Variants in CTSA observed in about 807,000 individuals in gnomAD.
CTSA encodes lysosomal protective protein.
CTSA carries 42 observed loss-of-function variants against 66.7 expected under a neutral mutation model. The observed-to-expected ratio is 0.63, with a 90% CI of 0.49 to 0.81. CTSA has a LOEUF of 0.81. CTSA is among the 40% of genes least tolerant of loss of function. The probability of loss-of-function intolerance (pLI) is 0.00; values close to 1 mark genes in which losing one functional copy is unlikely to be tolerated. For missense variants in CTSA, 525 were observed against 610.9 expected, an observed-to-expected ratio of 0.86 and a Z score of 1.48; for synonymous variants, 225 against 248.6, an observed-to-expected ratio of 0.91 and a Z score of 0.89.
chr20:45,892,817 T>C lies in CTSA; in HGVS notation c.537T>C (p.Tyr179=), dbSNP rs1568762813. The change falls in exon 6 of 15, where the codon TAT becomes TAC. Residue 179 remains tyrosine, a synonymous_variant. Coordinates refer to ENST00000646241, the MANE Select transcript of CTSA (RefSeq NM_000308.4). ...AACTTTTCCTGACCGGGGAGAGCTA[T>C]GCTGGCATCTACATCCCCACCCTGG... ...NNKLFLTGES[Y]AGIYIPTLAV... 1 of 1,614,104 alleles carries C rather than the reference T, an allele frequency of 6.2e-7. No individual in the cohort carries two copies. Among genetic ancestry groups the C allele is most frequent in the Non-Finnish European group, 8.5e-7 (1 of 1,180,030 alleles).
chr20:45,896,630 G>T, intron 11 of CTSA: 1 of 340,540 alleles, frequency 2.9e-6, no homozygotes, highest in Non-Finnish European at 5.7e-6. Flanking sequence ...GTAGAGACGG[G>T]GTTTCACCAT....
At chr20:45,897,671 A>C (rs2083125060) in intron 12 of CTSA, 46 bp from the exon 13 acceptor site, 2 of 1,144,546 alleles carry the variant, frequency 1.7e-6, no homozygotes, top group South Asian at 2.5e-5. Context: ...AGGGCTGGGG[A>C]CTGGGCTTGT....
In CTSA at chr20:45,898,552, C is replaced by A; in HGVS notation, c.*102C>A. The A allele has an allele frequency of 8.8e-7, 1 of 1,141,462 alleles. No homozygotes were observed. 70.7% of individuals were successfully genotyped at this position (1,141,462 alleles called of 1,614,324 possible). Reference sequence around the variant, plus strand: ...AAGTGCCCCTGCAGGCCGGGTTCTGCCGCCAGGACTGCCCCCTTCCCAGAG... The same window carrying A: ...AAGTGCCCCTGCAGGCCGGGTTCTGACGCCAGGACTGCCCCCTTCCCAGAG... On this transcript the variant is annotated 3_prime_UTR_variant, in exon 15 of 15. Coordinates refer to ENST00000646241, the MANE Select transcript of CTSA (RefSeq NM_000308.4). The surrounding 1 kb of genome is among the most constrained non-coding windows in gnomAD (Gnocchi z 4.6).
chr20:45,892,430 T>G lies in CTSA; in HGVS notation c.390T>G (p.Ala130=). 6.2e-7 allele frequency: 1 copy of G among 1,614,224 alleles called. No homozygotes were observed. The highest frequency in any genetic ancestry group is 8.5e-7 in the Non-Finnish European group (1 of 1,180,030). Residue 130 remains alanine (A), a synonymous_variant, in exon 5 of 15, where the codon GCT becomes GCG. Transcript: ENST00000646241. ...IANVLYLESP[A]GVGFSYSDDK... ...ATGTGTTATACCTGGAGTCCCCAGC[T>G]GGGGTGGGCTTCTCCTACTCCGATG...
intron 12 of CTSA, 23 bp downstream of exon 12, chr20:45,897,063 G>T: frequency 6.3e-7 from 1 of 1,590,600 alleles, no homozygotes. Flanking sequence ...AGCACAGCTG[G>T]ATCACCAGCA....
At chr20:45,895,639 T>A (rs960389291) in intron 11 of CTSA, among the ~76,000 whole-genome samples, 3 of 151,866 alleles carry the variant, frequency 2.0e-5, no homozygotes, top group Non-Finnish European at 4.4e-5. Context: ...CCACATTGGT[T>A]GTTGTTTCAC....
At chr20:45,896,636 A>T in intron 11 of CTSA, 1 of 341,610 alleles carries the variant, frequency 2.9e-6, no homozygotes, top group Non-Finnish European at 5.7e-6. Context: ...ACGGGGTTTC[A>T]CCATGTTGGT....
chr20:45,892,594 C>G (rs1987024976), intron 5 of CTSA, 110 bp downstream of exon 5: 7 of 1,490,812 alleles, frequency 4.7e-6, no homozygotes, highest in African/African-American at 1.4e-5. Flanking sequence ...CTGTCATATG[C>G]TATTGTGGTA....
chr20:45,898,272 T>G lies in CTSA; in HGVS notation c.1360-95T>G. ...GGGGTGGGGAGGGTTCTGGGAAGAA[T>G]AAAGGGTTTGGGATGAAGGAATTGC... is the stretch of plus-strand genomic sequence containing the variant. On this transcript the variant is annotated intron_variant, in intron 14 of 14. Coordinates refer to ENST00000646241, the MANE Select transcript of CTSA (RefSeq NM_000308.4). This position sits in a 1 kb window ranked among gnomAD's most constrained non-coding sequence, Gnocchi z 4.6. The G allele has an allele frequency of 7.4e-7, 1 of 1,358,046 alleles. No individual in the cohort carries two copies. Among genetic ancestry groups the G allele is most frequent in the East Asian group, 2.5e-5 (1 of 40,638 alleles). The allele number at this position is 1,358,046 out of a possible 1,614,324, so 84.1% of individuals were successfully genotyped here. A position where few individuals can be genotyped will look rare whatever the true frequency, so the allele number is the denominator to read the frequency against.
In CTSA at chr20:45,898,275, AG is replaced by A; in HGVS notation, c.1360-89del. The A allele has an allele frequency of 7.3e-7, 1 of 1,361,830 alleles. No individual in the cohort carries two copies. The highest frequency in any genetic ancestry group is 1.0e-6 in the Non-Finnish European group (1 of 969,754). The allele number at this position is 1,361,830 out of a possible 1,614,324, so 84.4% of individuals were successfully genotyped here. ...GTGGGGAGGGTTCTGGGAAGAATAAAGGGTTTGGGATGAAGGAATTGCCCCC... is the reference window on the plus strand; with the variant it reads ...GTGGGGAGGGTTCTGGGAAGAATAAAGGTTTGGGATGAAGGAATTGCCCCC... On this transcript the variant is annotated intron_variant, in intron 14 of 14. Transcript: ENST00000646241. This position sits in a 1 kb window ranked among gnomAD's most constrained non-coding sequence, Gnocchi z 4.6.
intron 11 of CTSA, 38 bp from the exon 12 acceptor site, chr20:45,896,927 C>A (rs371755241): frequency 1.9e-6 from 3 of 1,566,982 alleles, no homozygotes; most frequent in African/African-American, 2.7e-5. Context: ...TTCGCCCCGA[C>A]CTGGTCTTCC....
chr20:45,891,378 A>C lies in CTSA; in HGVS notation c.-2A>C, dbSNP rs1318047747. 2.5e-6 allele frequency: 4 copies of C among 1,572,610 alleles called. No homozygotes were observed. Among genetic ancestry groups the C allele is most frequent in the Admixed American group, 1.9e-5 (1 of 53,918 alleles). On this transcript the variant is annotated splice_region_variant and 5_prime_UTR_variant, in exon 1 of 15. Transcript: ENST00000646241. This position sits in a 1 kb window ranked among gnomAD's most constrained non-coding sequence, Gnocchi z 4.6. ...GGAGAGCAAGGACGCGGGGGAGCAG[A>C]GGTGAGCTGGCACCGGAGGCTGGAG...
Position 45,891,419 on chromosome 20 carries a change from G to T in CTSA, c.-1+40G>T. The T allele has an allele frequency of 3.9e-6, 6 of 1,554,998 alleles. No homozygotes were observed. The highest frequency in any genetic ancestry group is 4.8e-5 in the East Asian group (2 of 41,568). Reference sequence around the variant, plus strand: ...GAGGCTGGAGGGGATCCCCGAGCCCGGGATCGGTGCGCGGCAGAGGAGGCT... The same window carrying T: ...GAGGCTGGAGGGGATCCCCGAGCCCTGGATCGGTGCGCGGCAGAGGAGGCT... On this transcript the variant is annotated intron_variant, in intron 1 of 14. Coordinates refer to ENST00000646241, the MANE Select transcript of CTSA (RefSeq NM_000308.4). This position sits in a 1 kb window ranked among gnomAD's most constrained non-coding sequence, Gnocchi z 4.6.
rs1261913774 is a variant in CTSA, at chr20:45,894,820, C to A, written c.870-3C>A. 2.5e-6 allele frequency: 4 copies of A among 1,614,046 alleles called. No homozygotes were observed. In the South Asian group the frequency reaches 4.4e-5, roughly 18 times the overall value. On this transcript the variant is annotated splice_polypyrimidine_tract_variant and splice_region_variant and intron_variant, in intron 9 of 14. Transcript: ENST00000646241. ...ACACCCATTCCCCCACCTCACATTG[C>A]AGGTATGAGAAGGACACTGTTGTGG...
chr20:45,892,745 G>C lies in CTSA; in HGVS notation c.465G>C (p.Glu155Asp). 1 of 1,614,178 alleles carries C rather than the reference G, an allele frequency of 6.2e-7. No individual in the cohort carries two copies. The highest frequency in any genetic ancestry group is 8.5e-7 in the Non-Finnish European group (1 of 1,180,026). Residue 155 changes from glutamate to aspartate, a missense_variant, in exon 6 of 15, where the codon GAG (glutamate) becomes GAC (aspartate). This residue lies in a region of CTSA where 246 missense variants were observed against 267.4 expected (regional missense o/e 0.92). Transcript: ENST00000646241. ...NDTEVAQSNF[E>D]ALQDFFRLFP... Reference sequence around the variant, plus strand: ...CCCAGGTCGCCCAGAGCAATTTTGAGGCCCTTCAAGATTTCTTCCGCCTCT... The same window carrying C: ...CCCAGGTCGCCCAGAGCAATTTTGACGCCCTTCAAGATTTCTTCCGCCTCT...
At chr20:45,896,654 G>T (rs887511767) in intron 11 of CTSA, 2 of 380,340 alleles carry the variant, frequency 5.3e-6, no homozygotes, top group Non-Finnish European at 1.0e-5. Flanking sequence ...GGTCAGGCTG[G>T]TCTCGAACTC....
chr20:45,892,509 C>T (rs1014186855), intron 5 of CTSA, 25 bp downstream of exon 5: 21 of 1,603,296 alleles, frequency 1.3e-5, no homozygotes, highest in Non-Finnish European at 1.6e-5. Flanking sequence ...TGCCCATCTG[C>T]CCCAGGCTCC....
At position 45,894,723 on chromosome 20, in the gene CTSA, G is replaced by A. The variant is rs760848264; in HGVS notation, c.851G>A (p.Gly284Glu). The A allele has an allele frequency of 2.5e-6, 4 of 1,614,134 alleles. No individual in the cohort carries two copies. The highest frequency in any genetic ancestry group is 2.5e-6 in the Non-Finnish European group (3 of 1,180,020). ...IYNLYAPCAG[G>E]VPSHFRYEKD... ...AATCTCTATGCCCCGTGTGCTGGAG[G>A]GGTGCCCAGCCATTTTAGGTAGGTG... Residue 284 changes from glycine (G) to glutamate (E), a missense_variant, in exon 9 of 15, where the codon GGG becomes GAG. This residue lies in a region of CTSA where 274 missense variants were observed against 321.1 expected (regional missense o/e 0.85). Coordinates refer to ENST00000646241, the MANE Select transcript of CTSA (RefSeq NM_000308.4).
chr20:45,892,985 G>T, intron 6 of CTSA, 105 bp downstream of exon 6: 1 of 1,365,890 alleles, frequency 7.3e-7, no homozygotes. Context: ...CCAGCTTCCT[G>T]CATAACCTCC....
Sources: allele counts gnomAD v4.1 joint callset (sites outside exome capture counted in the v4.1 genomes callset), GRCh38; gene constraint gnomAD v4.1.1; regional missense constraint gnomAD v4.1.1; non-coding constraint Gnocchi (gnomAD v3.1); transcripts MANE v1.5; gene names NCBI Gene and HGNC (gene_info 2026-07-23, HGNC 2026-07-21).